Variants in SIGLEC8 observed in about 807,000 individuals in gnomAD.
SIGLEC8 encodes sialic acid binding Ig like lectin 8, also known as sialic acid-binding Ig-like lectin 8.
SIGLEC8 carries 32 observed loss-of-function variants against 42.1 expected under a neutral mutation model. The observed-to-expected ratio is 0.76, with a 90% CI of 0.57 to 1.02. SIGLEC8 has a LOEUF of 1.02. Among genes scored for constraint, SIGLEC8 ranks in the 50% least tolerant of loss-of-function variants. SIGLEC8 has a pLI of 0.00. For missense variants in SIGLEC8, 611 were observed against 610.2 expected (o/e 1.00, Z -0.01); for synonymous variants, 262 against 260.3 (o/e 1.01, Z -0.06).
chr19:51,452,366 T>C lies in SIGLEC8; in HGVS notation c.*13A>G. 5 of 1,587,026 alleles carry C rather than the reference T, an allele frequency of 3.2e-6. No individual in the cohort carries two copies. The South Asian group carries it at 4.4e-5, about 14-fold the overall frequency. On this transcript the variant is annotated 3_prime_UTR_variant, in exon 7 of 7. Coordinates refer to ENST00000321424, the MANE Select transcript of SIGLEC8 (RefSeq NM_014442.3). Reference sequence around the variant, plus strand: ...ATAGCATGGGGCTCTAGAGGGTTCTTGTTCTATGAGAATCAGCCTCTGACT... The same window carrying C: ...ATAGCATGGGGCTCTAGAGGGTTCTCGTTCTATGAGAATCAGCCTCTGACT...
rs756231394 is a variant in SIGLEC8, at chr19:51,452,623, G to A, written c.1256C>T (p.Thr419Ile). The A allele has an allele frequency of 5.2e-6, 8 of 1,537,028 alleles. No individual in the cohort carries two copies. The Admixed American group carries it at 7.8e-5, about 15-fold the overall frequency. Residue 419 changes from threonine (T) to isoleucine (I), a missense_variant, in exon 7 of 7, where the codon ACT becomes ATT. Transcript: ENST00000321424. Reference protein sequence around the residue: ...IRGSASQGPLTESWKDGNPLK... With the variant: ...IRGSASQGPLIESWKDGNPLK... ...GGGGTTGCCATCTTTCCAGGATTCA[G>A]TCAGGGGTCCCTGGACAGAGAGAGA...
In SIGLEC8 at chr19:51,458,412, C is replaced by T. The variant is rs777227761; in HGVS notation, c.-25G>A. 3.1e-6 allele frequency: 5 copies of T among 1,599,786 alleles called. No individual in the cohort carries two copies. Among genetic ancestry groups the T allele is most frequent in the Admixed American group, 1.7e-5 (1 of 59,208 alleles). The stretch of plus-strand genomic sequence containing the variant: ...TGTCTGGGTTTGAAGGCGCCAGGGC[C>T]GCCAGGGAACGTCTGTTCCTCAGGG... On this transcript the variant is annotated 5_prime_UTR_variant, in exon 1 of 7. Transcript: ENST00000321424.
rs1195533359 is a variant in SIGLEC8, at chr19:51,455,628, G to A, written c.841C>T (p.Leu281=). The A allele has an allele frequency of 1.2e-6, 2 of 1,614,182 alleles. No individual in the cohort carries two copies. The highest frequency in any genetic ancestry group is 1.7e-6 in the Non-Finnish European group (2 of 1,180,022). Residue 281 remains leucine (L), a synonymous_variant, in exon 4 of 7, where the codon CTG becomes TTG. Coordinates refer to ENST00000321424, the MANE Select transcript of SIGLEC8 (RefSeq NM_014442.3). ...GGATTGCTGTTGACAGCACAGACCAGGCGCAGAGACTGGCCCTCAAGGACT... is the reference window on the plus strand; with the variant it reads ...GGATTGCTGTTGACAGCACAGACCAAGCGCAGAGACTGGCCCTCAAGGACT... ...LSVLEGQSLR[L]VCAVNSNPPA...
At position 51,454,616 on chromosome 19, in the gene SIGLEC8, T is replaced by G; in HGVS notation, c.1148+68A>C. On this transcript the variant is annotated intron_variant, in intron 5 of 6. Coordinates refer to ENST00000321424, the MANE Select transcript of SIGLEC8 (RefSeq NM_014442.3). This position sits in a 1 kb window ranked among gnomAD's most constrained non-coding sequence, Gnocchi z 4.7. ...CCATCCAGGTCCTTCCAGCTCTGGCTTCAGGGATTCTGTTCCCGGTCTGCC... is the reference window on the plus strand; with the variant it reads ...CCATCCAGGTCCTTCCAGCTCTGGCGTCAGGGATTCTGTTCCCGGTCTGCC... 1 of 1,370,338 alleles carries G rather than the reference T, an allele frequency of 7.3e-7. No homozygotes were observed. Among genetic ancestry groups the G allele is most frequent in the Non-Finnish European group, 1.0e-6 (1 of 959,986 alleles). 84.9% of individuals were successfully genotyped at this position (1,370,338 alleles called of 1,614,324 possible).
At chr19:51,453,169 C>T (rs1466388772) in intron 6 of SIGLEC8, among the ~76,000 whole-genome samples, 1 of 151,804 alleles carries the variant, frequency 6.6e-6, no homozygotes, top group Non-Finnish European at 1.5e-5. Flanking sequence ...GCTCACTGCA[C>T]CCTCCACTTC....
In SIGLEC8 at chr19:51,457,311, C is replaced by G. The variant is rs1989517916; in HGVS notation, c.734-80G>C. On this transcript the variant is annotated intron_variant, in intron 2 of 6. Coordinates refer to ENST00000321424, the MANE Select transcript of SIGLEC8 (RefSeq NM_014442.3). Reference sequence around the variant, plus strand: ...CCTGTCTTCCCAGGAGCTGCAAATACAGGGAAAATGGAGTCGGCATTCTCC... The same window carrying G: ...CCTGTCTTCCCAGGAGCTGCAAATAGAGGGAAAATGGAGTCGGCATTCTCC... The G allele has an allele frequency of 3.7e-5, 56 of 1,520,504 alleles. 1 individual carries two copies. The South Asian group carries it at 6.5e-4, about 18-fold the overall frequency. 94.2% of individuals were successfully genotyped at this position (1,520,504 alleles called of 1,614,324 possible).
intron 3 of SIGLEC8, 132 bp from the exon 4 acceptor site, chr19:51,455,819 C>T: frequency 1.2e-6 from 1 of 806,446 alleles, no homozygotes; most frequent in Non-Finnish European, 1.9e-6. Context: ...AGACTTGGAA[C>T]CAGCCCAAAT....
In SIGLEC8 at chr19:51,454,533, A is replaced by G; in HGVS notation, c.1148+151T>C. The stretch of plus-strand genomic sequence containing the variant: ...CAGATGTGGAGCCCCACAGACAAGG[A>G]CGCTCGTGAAATGCTCACCGTGCAC... On this transcript the variant is annotated intron_variant, in intron 5 of 6. Coordinates refer to ENST00000321424, the MANE Select transcript of SIGLEC8 (RefSeq NM_014442.3). This position sits in a 1 kb window ranked among gnomAD's most constrained non-coding sequence, Gnocchi z 4.7. 1.0e-6 allele frequency: 1 copy of G among 1,001,534 alleles called. No homozygotes were observed. The highest frequency in any genetic ancestry group is 1.5e-6 in the Non-Finnish European group (1 of 671,764). The allele number at this position is 1,001,534 out of a possible 1,614,324, so 62.0% of individuals were successfully genotyped here.
rs138734322 is a variant in SIGLEC8, at chr19:51,452,465, C to T, written c.1414G>A (p.Glu472Lys). The change falls in exon 7 of 7, where the codon GAG (glutamate) becomes AAG (lysine). Residue 472 changes from glutamate to lysine, a missense_variant. Glu to Lys is a moderately conservative substitution (Grantham distance 56, BLOSUM62 1). Coordinates refer to ENST00000321424, the MANE Select transcript of SIGLEC8 (RefSeq NM_014442.3). ...GTTTCTCGCTTGTGGATCTTGATCT[C>T]CGAGTATTCACTGTCAGTGGCCTCC... is the stretch of plus-strand genomic sequence containing the variant. ...GQEATDSEYS[E>K]IKIHKRETAE... The T allele has an allele frequency of 1.3e-5, 21 of 1,612,830 alleles. No homozygotes were observed. The African/African-American group carries it at 2.3e-4, about 17-fold the overall frequency.
rs531650745 is a variant in SIGLEC8, at chr19:51,453,499, C to G, written c.1245+720G>C. On this transcript the variant is annotated intron_variant, in intron 6 of 6. Transcript: ENST00000321424. ...GATCACGAGGTCAGGAGTTCGAGAC[C>G]AGCTGGCCGACATGGTGAAACCCCG... is the stretch of plus-strand genomic sequence containing the variant. 7 of 594,862 alleles carry G rather than the reference C, an allele frequency of 1.2e-5. No individual in the cohort carries two copies. In the South Asian group the frequency reaches 3.7e-4, roughly 32 times the overall value. The allele number at this position is 594,862 out of a possible 1,614,324, so 36.8% of individuals were successfully genotyped here. A position where few individuals can be genotyped will look rare whatever the true frequency, so the allele number is the denominator to read the frequency against.
Position 51,457,921 on chromosome 19 carries a change from G to T in SIGLEC8, c.454+13C>A. ...ACCTTCCCCTGTGGCCTGTGCTGGA[G>T]CCCGTGCCTTACCTGTCACAAACAC... On this transcript the variant is annotated intron_variant, in intron 1 of 6. Transcript: ENST00000321424. 6.2e-7 allele frequency: 1 copy of T among 1,612,690 alleles called. No individual in the cohort carries two copies. The highest frequency in any genetic ancestry group is 8.5e-7 in the Non-Finnish European group (1 of 1,178,880).
Position 51,455,696 on chromosome 19 carries a change from A to G in SIGLEC8, c.782-9T>C, listed in dbSNP as rs772782748. ...TCCCAGGGCTGTGGATGCTGCAGAG[A>G]AAGAGACAGAGGGTCATCCCATTAC... On this transcript the variant is annotated splice_polypyrimidine_tract_variant and intron_variant, in intron 3 of 6. Coordinates refer to ENST00000321424, the MANE Select transcript of SIGLEC8 (RefSeq NM_014442.3). 37 of 1,610,926 alleles carry G rather than the reference A, an allele frequency of 2.3e-5. No homozygotes were observed. The highest frequency in any genetic ancestry group is 3.0e-5 in the Non-Finnish European group (35 of 1,178,948).
Position 51,454,565 on chromosome 19 carries a change from G to C in SIGLEC8, c.1148+119C>G, listed in dbSNP as rs1989445137. On this transcript the variant is annotated intron_variant, in intron 5 of 6. Transcript: ENST00000321424. The surrounding 1 kb of genome is among the most constrained non-coding windows in gnomAD (Gnocchi z 4.7). ...TGAAATGCTCACCGTGCACCCGTGA[G>C]CTCATTCTTGCCCCAAGCCCTGGAC... 1.9e-6 allele frequency: 2 copies of C among 1,047,012 alleles called. No homozygotes were observed. The highest frequency in any genetic ancestry group is 2.9e-6 in the Non-Finnish European group (2 of 692,302). 64.9% of individuals were successfully genotyped at this position (1,047,012 alleles called of 1,614,324 possible). A position where few individuals can be genotyped will look rare whatever the true frequency, so the allele number is the denominator to read the frequency against.
intron 1 of SIGLEC8, 40 bp downstream of exon 1, chr19:51,457,894 T>C (rs1376073922): frequency 3.1e-6 from 5 of 1,591,248 alleles, no homozygotes; most frequent in South Asian, 2.2e-5. Context: ...CAGCCCCTCA[T>C]GACCTTCCCC....
At position 51,452,553 on chromosome 19, in the gene SIGLEC8, T is replaced by C. The variant is rs886121620; in HGVS notation, c.1326A>G (p.Glu442=). The change falls in exon 7 of 7, where the codon GAA becomes GAG. Residue 442 remains glutamate, a synonymous_variant. Transcript: ENST00000321424. ...TGAGGGTTGCATAATGGAGCTCTCC[T>C]TCCTCCCCTGACGAGGGGGCAACAG... is the stretch of plus-strand genomic sequence containing the variant. ...PPAVAPSSGE[E]GELHYATLSF... is the part of the protein sequence containing the mutation. 3.8e-6 allele frequency: 6 copies of C among 1,591,036 alleles called. No homozygotes were observed. The highest frequency in any genetic ancestry group is 3.4e-5 in the Admixed American group (2 of 59,210).
chr19:51,453,435 T>A, intron 6 of SIGLEC8: 1 of 978,562 alleles, frequency 1.0e-6, no homozygotes, highest in Non-Finnish European at 1.2e-6. Flanking sequence ...CGGTGGCTCA[T>A]GCCCCTAATC....
In SIGLEC8 at chr19:51,454,413, G is replaced by A. The variant is rs1989441214; in HGVS notation, c.1149-98C>T. ...GTATTTCCTACTGGGGGCTTGAGGG[G>A]TGACCGAGGCGCAACGGCGGTGGTC... On this transcript the variant is annotated intron_variant, in intron 5 of 6. Transcript: ENST00000321424. The surrounding 1 kb of genome is among the most constrained non-coding windows in gnomAD (Gnocchi z 4.7). 6 of 1,604,356 alleles carry A rather than the reference G, an allele frequency of 3.7e-6. No individual in the cohort carries two copies. The highest frequency in any genetic ancestry group is 3.3e-5 in the South Asian group (3 of 90,380).
intron 2 of SIGLEC8, 41 bp from the exon 3 acceptor site, chr19:51,457,272 C>G (rs1359833028): frequency 1.9e-6 from 3 of 1,589,394 alleles, no homozygotes; most frequent in Non-Finnish European, 2.6e-6. Context: ...ACTATAAGGA[C>G]TGGGGACATT....
Position 51,452,538 on chromosome 19 carries a change from A to G in SIGLEC8, c.1341T>C (p.Tyr447=). 1 of 1,595,574 alleles carries G rather than the reference A, an allele frequency of 6.3e-7. No homozygotes were observed. The highest frequency in any genetic ancestry group is 1.7e-5 in the Admixed American group (1 of 59,648). Residue 447 remains tyrosine, a synonymous_variant, in exon 7 of 7, where the codon TAT becomes TAC. Coordinates refer to ENST00000321424, the MANE Select transcript of SIGLEC8 (RefSeq NM_014442.3). ...TCACTTTATGGAAGCTGAGGGTTGCATAATGGAGCTCTCCTTCCTCCCCTG... is the reference window on the plus strand; with the variant it reads ...TCACTTTATGGAAGCTGAGGGTTGCGTAATGGAGCTCTCCTTCCTCCCCTG... ...PSSGEEGELH[Y]ATLSFHKVKP... is the part of the protein sequence containing the mutation.
Sources: allele counts gnomAD v4.1 joint callset (sites outside exome capture counted in the v4.1 genomes callset), GRCh38; gene constraint gnomAD v4.1.1; non-coding constraint Gnocchi (gnomAD v3.1); transcripts MANE v1.5; gene names NCBI Gene and HGNC (gene_info 2026-07-23, HGNC 2026-07-21).